SLC9A9: variants seen among roughly 807,000 people sequenced by gnomAD.
SLC9A9 encodes solute carrier family 9 member A9.
A neutral mutation model predicts 77.8 loss-of-function variants in SLC9A9; 62 were observed. That is an observed-to-expected ratio of 0.80 (90% CI 0.65 to 0.98). The LOEUF (loss-of-function observed/expected upper bound fraction) is 0.98, where lower values mean the gene tolerates loss of function less well. Among genes scored for constraint, SLC9A9 ranks in the 50% least tolerant of loss-of-function variants. SLC9A9 has a pLI of 0.00. For missense variants in SLC9A9, 775 were observed against 774.9 expected (o/e 1.00, Z 0.00); for synonymous variants, 320 against 283.5 (o/e 1.13, Z -1.29).
chr3:143,429,229 G>C (rs2034462927), intron 12 of SLC9A9, among the ~76,000 whole-genome samples: 1 of 152,156 alleles, frequency 6.6e-6, no homozygotes, highest in African/African-American at 2.4e-5. Flanking sequence ...GAGTAGATGA[G>C]AGCACTTGAA....
intron 8 of SLC9A9, among the ~76,000 whole-genome samples, chr3:143,552,800 C>A (rs1448891456): frequency 6.6e-6 from 1 of 152,128 alleles, no homozygotes; most frequent in Non-Finnish European, 1.5e-5. Flanking sequence ...ATAGCCAGTG[C>A]CAACTACTTT....
chr3:143,772,242 A>G (rs1003295387), intron 4 of SLC9A9, among the ~76,000 whole-genome samples: 1 of 152,006 alleles, frequency 6.6e-6, no homozygotes, highest in Non-Finnish European at 1.5e-5. Flanking sequence ...AGCGTACCCA[A>G]CTAACAACCA....
At chr3:143,528,802 T>TG in intron 9 of SLC9A9, among the ~76,000 whole-genome samples, 1 of 147,940 alleles carries the variant, frequency 6.8e-6, no homozygotes, top group African/African-American at 2.5e-5. Flanking sequence ...AGCTCAAAAG[T>TG]AAAAAAAAAA....
At chr3:143,419,613 T>A (rs2034261700) in intron 12 of SLC9A9, among the ~76,000 whole-genome samples, 1 of 152,148 alleles carries the variant, frequency 6.6e-6, no homozygotes, top group African/African-American at 2.4e-5. Flanking sequence ...CTAGCCAGCA[T>A]GTATTTATGA....
In SLC9A9 at chr3:143,724,031, A is replaced by G. The variant is rs115203224; in HGVS notation, c.534-30724T>C. The stretch of plus-strand genomic sequence containing the variant: ...TTATTTAGTTGGCTTCTGGAGATGG[A>G]AGTTCTTTCCTTGTCAGAATTGAAG... On this transcript the variant is annotated intron_variant, in intron 4 of 15. Coordinates refer to ENST00000316549, the MANE Select transcript of SLC9A9 (RefSeq NM_173653.4). 6.7e-3 allele frequency among the ~76,000 whole-genome samples: 1,021 copies of G among 152,276 alleles called. 11 individuals are homozygous for G. The highest frequency in any genetic ancestry group is 0.023 in the African/African-American group (968 of 41,542).
At chr3:143,322,273 T>C (rs144408238) in intron 14 of SLC9A9, among the ~76,000 whole-genome samples, 4,312 of 152,256 alleles carry the variant, frequency 0.028, 79 homozygotes, top group South Asian at 0.041. Context: ...ACCATTATAA[T>C]GTGGGTGGAC....
At chr3:143,401,999 C>A (rs564644111) in intron 12 of SLC9A9, among the ~76,000 whole-genome samples, 1 of 152,204 alleles carries the variant, frequency 6.6e-6, no homozygotes, top group Non-Finnish European at 1.5e-5. Context: ...ATTCTACTGG[C>A]CTTCCTGATG....
chr3:143,628,967 T>C (rs999369297), intron 6 of SLC9A9, among the ~76,000 whole-genome samples: 1 of 152,180 alleles, frequency 6.6e-6, no homozygotes, highest in African/African-American at 2.4e-5. Flanking sequence ...TCCAAAAGAT[T>C]AAATCAATCA....
At chr3:143,631,596 C>G (rs1263880971) in intron 6 of SLC9A9, among the ~76,000 whole-genome samples, 2 of 152,042 alleles carry the variant, frequency 1.3e-5, no homozygotes, top group East Asian at 3.9e-4. Flanking sequence ...CCTCTTATCT[C>G]TTTCATAAAA....
chr3:143,302,281 A>C (rs75282167), intron 14 of SLC9A9, among the ~76,000 whole-genome samples: 4,026 of 152,280 alleles, frequency 0.026, 70 homozygotes, highest in South Asian at 0.047. Context: ...AGGCTTATAC[A>C]TCTTTTCTTC....
Position 143,578,700 on chromosome 3 carries a change from T to C in SLC9A9, c.779A>G (p.Lys260Arg). The C allele has an allele frequency of 1.2e-6, 2 of 1,614,032 alleles. No homozygotes were observed. Among genetic ancestry groups the C allele is most frequent in the Non-Finnish European group, 1.7e-6 (2 of 1,179,934 alleles). The change falls in exon 7 of 16, where the codon AAG (lysine) becomes AGG (arginine). Residue 260 changes from lysine (K) to arginine (R), a missense_variant. By Grantham distance (26) the Lys-to-Arg change is conservative. Transcript: ENST00000316549. The part of the protein sequence containing the change: ...LTYSISIYSP[K>R]ENPNAFDAAA... ...GGCATCAAATGCATTTGGATTCTCC[T>C]TGGGACTGTAAATGGATATAGAACT...
intron 5 of SLC9A9, among the ~76,000 whole-genome samples, chr3:143,662,397 A>G (rs1174514225): frequency 6.6e-6 from 1 of 152,222 alleles, no homozygotes; most frequent in Non-Finnish European, 1.5e-5. Context: ...GATGCAGAAG[A>G]CAGGTGATTT....
At chr3:143,739,535 C>T (rs1435259467) in intron 4 of SLC9A9, among the ~76,000 whole-genome samples, 1 of 152,168 alleles carries the variant, frequency 6.6e-6, no homozygotes, top group African/African-American at 2.4e-5. Context: ...TGATAATTGT[C>T]ACTTATTTAC....
At chr3:143,528,009 T>C (rs773112709) in intron 9 of SLC9A9, among the ~76,000 whole-genome samples, 3 of 152,036 alleles carry the variant, frequency 2.0e-5, no homozygotes, top group Non-Finnish European at 2.9e-5. Flanking sequence ...AGAGTAGGAG[T>C]TGGAGGAGAA....
At chr3:143,486,516 T>C (rs1235041652) in intron 11 of SLC9A9, among the ~76,000 whole-genome samples, 1 of 152,124 alleles carries the variant, frequency 6.6e-6, no homozygotes, top group African/African-American at 2.4e-5. Context: ...ATAACTTTGG[T>C]TTATAACTCC....
intron 2 of SLC9A9, among the ~76,000 whole-genome samples, chr3:143,803,177 G>A (rs1488713760): frequency 6.6e-6 from 1 of 152,148 alleles, no homozygotes; most frequent in African/African-American, 2.4e-5. Context: ...GAGTAAAGCT[G>A]TGTCCATCAG....
chr3:143,387,480 G>C (rs2033455776), intron 12 of SLC9A9, among the ~76,000 whole-genome samples: 1 of 152,052 alleles, frequency 6.6e-6, no homozygotes, highest in Non-Finnish European at 1.5e-5. Flanking sequence ...AACTAAAAAA[G>C]GCTGGTTAAA....
intron 12 of SLC9A9, among the ~76,000 whole-genome samples, chr3:143,405,115 C>A (rs964703790): frequency 6.6e-6 from 1 of 152,192 alleles, no homozygotes; most frequent in African/African-American, 2.4e-5. Context: ...AATGTGATCC[C>A]AGAAGGGCCT....
At chr3:143,710,348 A>G (rs1035960463) in intron 4 of SLC9A9, among the ~76,000 whole-genome samples, 1 of 152,220 alleles carries the variant, frequency 6.6e-6, no homozygotes, top group African/African-American at 2.4e-5. Flanking sequence ...TTTTCACCTT[A>G]AAACACATGC....
Sources: gnomAD v4.1 joint callset for allele counts (sites outside exome capture counted in the v4.1 genomes callset) on GRCh38, gnomAD v4.1.1 for gene constraint, MANE v1.5 for transcripts, NCBI Gene and HGNC (gene_info 2026-07-23, HGNC 2026-07-21) for gene names.